Variants in FREM2 observed in about 807,000 individuals in gnomAD.
FREM2 encodes FRAS1-related extracellular matrix protein 2.
In FREM2, 119 loss-of-function variants were observed where a neutral mutation model predicts 219.9. The ratio of observed to expected loss-of-function variants is 0.54; its 90% CI spans 0.47 to 0.63. The LOEUF is 0.63. Among genes scored for constraint, FREM2 ranks in the 30% least tolerant of loss-of-function variants. The pLI is 0.00. For synonymous variants in FREM2, 1,562 were observed against 1,522.8 expected (o/e 1.03, Z -0.60); for missense variants, 4,030 against 3,993.6 (o/e 1.01, Z -0.25).
chr13:38,698,321 G>A lies in FREM2; in HGVS notation c.5263+534G>A, dbSNP rs540540391. On this transcript the variant is annotated intron_variant, in intron 2 of 23. Transcript: ENST00000280481. ...CTTCTAATGATTTTCTTAGTTTGGG[G>A]GATTTTGTGACCTAGTCCAGCTAAA... Among the ~76,000 whole-genome samples, 110 of 152,182 alleles carry A rather than the reference G, an allele frequency of 7.2e-4. 1 individual carries two copies. Among genetic ancestry groups the A allele is most frequent in the African/African-American group, 2.5e-3 (104 of 41,530 alleles).
In FREM2 at chr13:38,764,307, G is replaced by A. The variant is rs767578898; in HGVS notation, c.5267G>A (p.Gly1756Glu). The A allele has an allele frequency of 1.6e-5, 26 of 1,610,546 alleles. No individual in the cohort carries two copies. Among genetic ancestry groups the A allele is most frequent in the Non-Finnish European group, 1.2e-5 (14 of 1,177,070 alleles). Residue 1756 changes from glycine to glutamate, a missense_variant, in exon 3 of 24, where the codon GGA (glycine) becomes GAA (glutamate). Gly to Glu is a moderately conservative substitution (Grantham distance 98). This residue lies in a region of FREM2 where 3,102 missense variants were observed against 2,950.7 expected (regional missense o/e 1.05). Coordinates refer to ENST00000280481, the MANE Select transcript of FREM2 (RefSeq NM_207361.6). Reference protein sequence around the residue: ...MFYFAVEDGGGNKLTYQNFRL... With the variant: ...MFYFAVEDGGENKLTYQNFRL... Reference sequence around the variant, plus strand: ...GCTTTAAATTTTTATTTTCAAGGTGGAAACAAGTTAACGTACCAGAATTTT... The same window carrying A: ...GCTTTAAATTTTTATTTTCAAGGTGAAAACAAGTTAACGTACCAGAATTTT...
chr13:38,747,258 T>C (rs1872521689), intron 2 of FREM2, among the ~76,000 whole-genome samples: 1 of 152,126 alleles, frequency 6.6e-6, no homozygotes, highest in East Asian at 1.9e-4. Flanking sequence ...ATTCTGAGAA[T>C]TTTCTGTATT....
intron 6 of FREM2, among the ~76,000 whole-genome samples, chr13:38,838,319 C>T (rs1391863029): frequency 2.6e-5 from 4 of 152,104 alleles, no homozygotes; most frequent in African/African-American, 7.2e-5. Context: ...GCATTTCTGC[C>T]GAGAGATCCA....
chr13:38,848,330 C>A (rs1365522289), intron 7 of FREM2, 131 bp from the exon 8 acceptor site: 1 of 732,442 alleles, frequency 1.4e-6, no homozygotes. Context: ...ATTAAATGTA[C>A]TTTTCTGTAG....
At chr13:38,723,380 T>G (rs1871376374) in intron 2 of FREM2, among the ~76,000 whole-genome samples, 1 of 152,238 alleles carries the variant, frequency 6.6e-6, no homozygotes, top group Non-Finnish European at 1.5e-5. Flanking sequence ...AGATTAATTT[T>G]TAAAAATACA....
chr13:38,867,532 A>C (rs1878015260), intron 16 of FREM2, among the ~76,000 whole-genome samples: 1 of 152,272 alleles, frequency 6.6e-6, no homozygotes. Flanking sequence ...AGACAGAACC[A>C]ATAGAATAGA....
At position 38,886,297 on chromosome 13, in the gene FREM2, T is replaced by C. The variant is rs935804550; in HGVS notation, c.*5510T>C. 1 of 152,102 alleles carries C rather than the reference T, an allele frequency of 6.6e-6. No individual in the cohort carries two copies. Among genetic ancestry groups the C allele is most frequent in the Non-Finnish European group, 1.5e-5 (1 of 68,026 alleles). 9.4% of individuals were successfully genotyped at this position (152,102 alleles called of 1,614,324 possible). Reference sequence around the variant, plus strand: ...AGTCAAGTCAGTCTTCCATTGTGACTTCAGGAATTCAAATGCAAGTTGTTG... The same window carrying C: ...AGTCAAGTCAGTCTTCCATTGTGACCTCAGGAATTCAAATGCAAGTTGTTG... On this transcript the variant is annotated 3_prime_UTR_variant, in exon 24 of 24. Transcript: ENST00000280481.
Position 38,687,184 on chromosome 13 carries a change from G to A in FREM2, c.-161G>A, listed in dbSNP as rs1293966466. The A allele has an allele frequency of 2.0e-6, 2 of 1,020,620 alleles. No homozygotes were observed. The highest frequency in any genetic ancestry group is 2.9e-6 in the Non-Finnish European group (2 of 696,666). 63.2% of individuals were successfully genotyped at this position (1,020,620 alleles called of 1,614,324 possible). A position where few individuals can be genotyped will look rare whatever the true frequency, so the allele number is the denominator to read the frequency against. ...CTGCGGCTCCAGCCCGGACGGCGCC[G>A]CGCAACTTTGCCATCCTTCTGGCCC... is the stretch of plus-strand genomic sequence containing the variant. On this transcript the variant is annotated 5_prime_UTR_variant, in exon 1 of 24. Transcript: ENST00000280481.
chr13:38,830,822 C>A (rs1029428803), intron 6 of FREM2, among the ~76,000 whole-genome samples: 5 of 152,192 alleles, frequency 3.3e-5, no homozygotes, highest in Admixed American at 1.3e-4. Flanking sequence ...ATCTCGGGAA[C>A]CTCTGCACTA....
intron 6 of FREM2, among the ~76,000 whole-genome samples, chr13:38,798,431 T>C (rs1365985083): frequency 6.6e-6 from 1 of 152,116 alleles, no homozygotes; most frequent in Non-Finnish European, 1.5e-5. Context: ...TTTGTTGTTA[T>C]TGTTGTTGTG....
chr13:38,755,918 A>G (rs1217553939), intron 2 of FREM2, among the ~76,000 whole-genome samples: 1 of 152,232 alleles, frequency 6.6e-6, no homozygotes, highest in Admixed American at 6.5e-5. Flanking sequence ...GCAGGTAACC[A>G]TGCGGGAGCC....
At chr13:38,818,272 G>A (rs1875848552) in intron 6 of FREM2, among the ~76,000 whole-genome samples, 1 of 152,042 alleles carries the variant, frequency 6.6e-6, no homozygotes, top group African/African-American at 2.4e-5. Flanking sequence ...GCTAAGATAT[G>A]GACTCAACCT....
At chr13:38,831,261 G>C (rs1876497380) in intron 6 of FREM2, among the ~76,000 whole-genome samples, 2 of 152,144 alleles carry the variant, frequency 1.3e-5, no homozygotes, top group South Asian at 4.1e-4. Flanking sequence ...GAATACTCAT[G>C]AAGCCTCTTC....
chr13:38,778,760 T>C (rs1442652368), intron 4 of FREM2, among the ~76,000 whole-genome samples: 1 of 152,104 alleles, frequency 6.6e-6, no homozygotes, highest in Non-Finnish European at 1.5e-5. Flanking sequence ...CATTTATCTA[T>C]GTAGCAAACC....
Position 38,690,663 on chromosome 13 carries a change from G to T in FREM2, c.3319G>T (p.Val1107Phe), listed in dbSNP as rs1869796752. 1.2e-6 allele frequency: 2 copies of T among 1,613,798 alleles called. No homozygotes were observed. Among genetic ancestry groups the T allele is most frequent in the Non-Finnish European group, 1.7e-6 (2 of 1,180,028 alleles). The change falls in exon 1 of 24, where the codon GTT (valine) becomes TTT (phenylalanine). Residue 1107 changes from valine (V) to phenylalanine (F), a missense_variant. Transcript: ENST00000280481. ...SLNDDILCTIVIQPTSGYVEN... is the reference protein window; with the variant it reads ...SLNDDILCTIFIQPTSGYVEN... ...GAATGATGACATCTTGTGCACTATA[G>T]TTATTCAGCCTACTTCAGGTTATGT...
intron 16 of FREM2, among the ~76,000 whole-genome samples, chr13:38,865,237 CA>C (rs1877919944): frequency 6.6e-6 from 1 of 152,122 alleles, no homozygotes; most frequent in Admixed American, 6.6e-5. Flanking sequence ...CTTCATACTA[CA>C]CATTCACACA....
At chr13:38,813,424 G>A (rs1280337685) in intron 6 of FREM2, among the ~76,000 whole-genome samples, 2 of 141,190 alleles carry the variant, frequency 1.4e-5, no homozygotes, top group South Asian at 4.5e-4. Flanking sequence ...TGTAAAGTCT[G>A]CTGCCAGGCA....
At chr13:38,790,133 A>G (rs1174987182) in intron 6 of FREM2, among the ~76,000 whole-genome samples, 2 of 152,140 alleles carry the variant, frequency 1.3e-5, no homozygotes, top group Non-Finnish European at 2.9e-5. Context: ...AAATCTGTGT[A>G]TTAGAGAGGC....
rs771945913 is a variant in FREM2, at chr13:38,885,192, A to G, written c.*4405A>G. The G allele has an allele frequency of 2.0e-5, 3 of 152,190 alleles. No homozygotes were observed. The highest frequency in any genetic ancestry group is 4.4e-5 in the Non-Finnish European group (3 of 68,008). 9.4% of individuals were successfully genotyped at this position (152,190 alleles called of 1,614,324 possible). Reference sequence around the variant, plus strand: ...TTTTTCTATAGTTTCCATCAGGAAGAGTACATCAGAAACTTCTCCATAAGG... The same window carrying G: ...TTTTTCTATAGTTTCCATCAGGAAGGGTACATCAGAAACTTCTCCATAAGG... On this transcript the variant is annotated 3_prime_UTR_variant, in exon 24 of 24. Coordinates refer to ENST00000280481, the MANE Select transcript of FREM2 (RefSeq NM_207361.6).
Sources: allele counts gnomAD v4.1 joint callset (sites outside exome capture counted in the v4.1 genomes callset), GRCh38; gene constraint gnomAD v4.1.1; regional missense constraint gnomAD v4.1.1; transcripts MANE v1.5; gene names NCBI Gene and HGNC (gene_info 2026-07-23, HGNC 2026-07-21).